GALNTL6: variants seen among roughly 807,000 people sequenced by gnomAD.
The protein encoded by GALNTL6 is polypeptide N-acetylgalactosaminyltransferase like 6, also known as polypeptide N-acetylgalactosaminyltransferase-like 6.
GALNTL6 carries 46 observed loss-of-function variants against 73.7 expected under a neutral mutation model. The ratio of observed to expected loss-of-function variants is 0.62; its 90% CI spans 0.49 to 0.80. The LOEUF (loss-of-function observed/expected upper bound fraction) is 0.80. GALNTL6 is among the 30% of genes least tolerant of loss of function. GALNTL6 has a pLI of 0.00. For synonymous variants in GALNTL6, 259 were observed against 263.7 expected (o/e 0.98, Z 0.17); for missense variants, 604 against 755.0 (o/e 0.80, Z 2.34).
chr4:171,902,567 A>C (rs555776626), intron 2 of GALNTL6, among the ~76,000 whole-genome samples: 1 of 152,350 alleles, frequency 6.6e-6, no homozygotes, highest in Admixed American at 6.5e-5. Flanking sequence ...GAAAGAGATT[A>C]ATGAAAGAAA....
intron 2 of GALNTL6, among the ~76,000 whole-genome samples, chr4:172,019,847 A>G (rs1195757183): frequency 6.6e-6 from 1 of 152,144 alleles, no homozygotes; most frequent in Non-Finnish European, 1.5e-5. Flanking sequence ...AGAACATTTC[A>G]TCCAACAACT....
chr4:172,951,175 C>A (rs1275669983), intron 9 of GALNTL6, among the ~76,000 whole-genome samples: 2 of 152,192 alleles, frequency 1.3e-5, no homozygotes, highest in Non-Finnish European at 2.9e-5. Context: ...CTATTATGTG[C>A]CAGAGACTTA....
intron 2 of GALNTL6, among the ~76,000 whole-genome samples, chr4:172,077,000 C>T (rs900140515): frequency 3.3e-5 from 5 of 152,134 alleles, no homozygotes; most frequent in African/African-American, 1.2e-4. Context: ...TCTCTTCTGC[C>T]ACCATGTGAA....
At chr4:172,795,080 A>G (rs372605169) in intron 5 of GALNTL6, among the ~76,000 whole-genome samples, 43 of 152,342 alleles carry the variant, frequency 2.8e-4, no homozygotes, top group African/African-American at 7.7e-4. Context: ...AATCCCTCGC[A>G]AAATGGAGTA....
intron 2 of GALNTL6, among the ~76,000 whole-genome samples, chr4:172,104,079 G>A (rs1258205365): frequency 6.6e-6 from 1 of 151,888 alleles, no homozygotes; most frequent in East Asian, 1.9e-4. Context: ...GAGTAGCTGG[G>A]ACTACAGGCG....
At chr4:171,845,958 C>T (rs373352478) in intron 2 of GALNTL6, among the ~76,000 whole-genome samples, 7 of 152,186 alleles carry the variant, frequency 4.6e-5, no homozygotes, top group Middle Eastern at 3.4e-3. Context: ...AATATTTCTA[C>T]GGGAGTTTAC....
chr4:172,015,079 G>A (rs1378448727), intron 2 of GALNTL6, among the ~76,000 whole-genome samples: 1 of 152,044 alleles, frequency 6.6e-6, no homozygotes, highest in African/African-American at 2.4e-5. Flanking sequence ...TTTGTTTTAA[G>A]ATATAGCTTA....
At chr4:172,853,628 C>G (rs1743959110) in intron 7 of GALNTL6, among the ~76,000 whole-genome samples, 1 of 152,206 alleles carries the variant, frequency 6.6e-6, no homozygotes, top group Admixed American at 6.5e-5. Flanking sequence ...AACCCATTCA[C>G]TCATTTAACT....
intron 5 of GALNTL6, among the ~76,000 whole-genome samples, chr4:172,481,964 G>A (rs1733498794): frequency 6.6e-6 from 1 of 152,196 alleles, no homozygotes; most frequent in Non-Finnish European, 1.5e-5. Flanking sequence ...GGCTCGGGCT[G>A]CCAGGAGCCC....
At chr4:172,485,147 C>T (rs1219857399) in intron 5 of GALNTL6, among the ~76,000 whole-genome samples, 4 of 152,076 alleles carry the variant, frequency 2.6e-5, no homozygotes, top group African/African-American at 7.2e-5. Context: ...ATTTGTTCTA[C>T]TTAAAACAAT....
intron 2 of GALNTL6, among the ~76,000 whole-genome samples, chr4:171,937,231 C>T (rs769067663): frequency 6.6e-6 from 1 of 151,928 alleles, no homozygotes; most frequent in African/African-American, 2.4e-5. Flanking sequence ...GACATGAGTG[C>T]GATGAAATGA....
intron 12 of GALNTL6, among the ~76,000 whole-genome samples, chr4:173,033,206 TGGCC>T: frequency 1.3e-5 from 2 of 152,028 alleles, no homozygotes; most frequent in East Asian, 3.9e-4. Flanking sequence ...TTCACTATGT[TGGCC>T]AGTCTGGTCT....
intron 5 of GALNTL6, among the ~76,000 whole-genome samples, chr4:172,561,521 A>C (rs544789753): frequency 1.4e-4 from 22 of 152,312 alleles, no homozygotes; most frequent in Admixed American, 8.5e-4. Context: ...ATTATTTAGT[A>C]ATTATATTAT....
At chr4:172,252,074 G>A (rs1160179102) in intron 3 of GALNTL6, among the ~76,000 whole-genome samples, 1 of 151,790 alleles carries the variant, frequency 6.6e-6, no homozygotes, top group Admixed American at 6.6e-5. Flanking sequence ...TAGACAGGAA[G>A]GTTAAAACTG....
intron 5 of GALNTL6, among the ~76,000 whole-genome samples, chr4:172,762,327 C>A (rs1383722752): frequency 6.6e-6 from 1 of 152,070 alleles, no homozygotes; most frequent in Non-Finnish European, 1.5e-5. Context: ...AAATGTTCTT[C>A]CATTAATGAA....
chr4:172,148,106 C>T (rs1366204330), intron 2 of GALNTL6, among the ~76,000 whole-genome samples: 2 of 151,972 alleles, frequency 1.3e-5, no homozygotes, highest in Non-Finnish European at 2.9e-5. Context: ...ATTTTGAAAA[C>T]AGTATTATTA....
At chr4:172,109,314 T>C (rs766578329) in intron 2 of GALNTL6, among the ~76,000 whole-genome samples, 3 of 152,142 alleles carry the variant, frequency 2.0e-5, no homozygotes, top group Non-Finnish European at 1.5e-5. Flanking sequence ...AGTATTGTAA[T>C]TGAAATGAGT....
chr4:172,533,086 A>G (rs1735222227), intron 5 of GALNTL6, among the ~76,000 whole-genome samples: 1 of 143,588 alleles, frequency 7.0e-6, no homozygotes, highest in South Asian at 2.2e-4. Context: ...ATCTCGGCTT[A>G]CCACAACCTC....
At chr4:172,550,023 A>G (rs1263787089) in intron 5 of GALNTL6, among the ~76,000 whole-genome samples, 2 of 152,198 alleles carry the variant, frequency 1.3e-5, no homozygotes, top group African/African-American at 4.8e-5. Context: ...AAGTTTCATC[A>G]TAATTAACAT....
Sources: allele counts gnomAD v4.1 joint callset (sites outside exome capture counted in the v4.1 genomes callset), GRCh38; gene constraint gnomAD v4.1.1; transcripts MANE v1.5; gene names NCBI Gene and HGNC (gene_info 2026-07-23, HGNC 2026-07-21).